STARD13: variants seen among roughly 807,000 people sequenced by gnomAD.
STARD13 encodes the protein stAR-related lipid transfer protein 13.
STARD13 carries 62 observed loss-of-function variants against 106.4 expected under a neutral mutation model. The observed-to-expected ratio is 0.58, with a 90% confidence interval of 0.48 to 0.72. The LOEUF (loss-of-function observed/expected upper bound fraction) is 0.72, where lower values mean the gene tolerates loss of function less well. STARD13 is among the 30% of genes least tolerant of loss of function. The pLI, the probability that STARD13 is intolerant of heterozygous loss-of-function variation, is 0.00. For missense variants in STARD13, 1,387 were observed against 1,424.0 expected, an observed-to-expected ratio of 0.97 and a Z score of 0.42; for synonymous variants, 565 against 553.0, an observed-to-expected ratio of 1.02 and a Z score of -0.31.
chr13:33,421,859 A>T, the STARD13 span, among the ~76,000 whole-genome samples: 1 of 152,224 alleles, frequency 6.6e-6, no homozygotes, highest in African/African-American at 2.4e-5. Context: ...TGATTATCTC[A>T]ATAGATGCAG....
chr13:33,318,661 A>G (rs964563102), intron 1 of STARD13, among the ~76,000 whole-genome samples: 11 of 152,296 alleles, frequency 7.2e-5, no homozygotes, highest in African/African-American at 2.4e-4. Flanking sequence ...ATACTTGCAA[A>G]TCATGTATCT....
chr13:33,188,857 A>G (rs1320306847), intron 1 of STARD13, among the ~76,000 whole-genome samples: 1 of 152,228 alleles, frequency 6.6e-6, no homozygotes, highest in Non-Finnish European at 1.5e-5. Context: ...GAAAATGACA[A>G]ACGAAAAGAC....
chr13:33,622,789 GC>G, the STARD13 span, among the ~76,000 whole-genome samples: 33 of 150,460 alleles, frequency 2.2e-4, no homozygotes, highest in South Asian at 6.5e-3. Context: ...GCGTGGTGGC[GC>G]ATGCCTGTAG....
the STARD13 span, among the ~76,000 whole-genome samples, chr13:33,423,891 CA>C: frequency 6.6e-6 from 1 of 152,020 alleles, no homozygotes; most frequent in African/African-American, 2.4e-5. Context: ...GGGAATTGAA[CA>C]ATGAGAACAC....
rs1012434545 is a variant in STARD13, at chr13:33,167,498, G to T, written c.241+53C>A. 35 of 1,569,018 alleles carry T rather than the reference G, an allele frequency of 2.2e-5. No individual in the cohort carries two copies. The African/African-American group carries it at 4.7e-4, about 21-fold the overall frequency. On this transcript the variant is annotated intron_variant, in intron 2 of 13. Transcript: ENST00000336934. ...TCAAAACACACCACAGGATACGTGT[G>T]GTTCATTTTGGATTTATTCTCTGTG...
intron 1 of STARD13, among the ~76,000 whole-genome samples, chr13:33,215,409 G>A (rs1371172848): frequency 6.6e-6 from 1 of 152,162 alleles, no homozygotes; most frequent in Non-Finnish European, 1.5e-5. Flanking sequence ...TCTCCAAACA[G>A]CATCCCCTCA....
At chr13:33,498,477 G>C in the STARD13 span, among the ~76,000 whole-genome samples, 2 of 152,092 alleles carry the variant, frequency 1.3e-5, no homozygotes, top group Non-Finnish European at 2.9e-5. Flanking sequence ...AAGAGATAAG[G>C]TAATAGGACC....
At chr13:33,344,957 G>A (rs1336796818), downstream of STARD13, among the ~76,000 whole-genome samples, 1 of 152,202 alleles carries the variant, frequency 6.6e-6, no homozygotes, top group African/African-American at 2.4e-5. Context: ...AATTCAAGCT[G>A]CTTACAAACA....
the STARD13 span, among the ~76,000 whole-genome samples, chr13:33,362,477 A>T: frequency 8.5e-5 from 13 of 152,334 alleles, 1 homozygote; most frequent in South Asian, 1.7e-3. Context: ...GACAAGTTCA[A>T]ATCCATCTTT....
chr13:33,518,040 CTT>C, the STARD13 span, among the ~76,000 whole-genome samples: 10 of 151,578 alleles, frequency 6.6e-5, no homozygotes, highest in Admixed American at 6.6e-4. Flanking sequence ...CAACAACAAT[CTT>C]GAAGCTTTTA....
chr13:33,670,772 C>G, the STARD13 span, among the ~76,000 whole-genome samples: 33 of 152,168 alleles, frequency 2.2e-4, no homozygotes, highest in African/African-American at 4.8e-4. Context: ...GCACCCTCTA[C>G]GTAAGTTCAT....
chr13:33,480,705 TTTC>T, the STARD13 span, among the ~76,000 whole-genome samples: 1 of 152,172 alleles, frequency 6.6e-6, no homozygotes, highest in African/African-American at 2.4e-5. Flanking sequence ...CACATGTACA[TTTC>T]TTCTATCTAT....
At chr13:33,449,597 G>A in the STARD13 span, among the ~76,000 whole-genome samples, 1 of 152,034 alleles carries the variant, frequency 6.6e-6, no homozygotes, top group African/African-American at 2.4e-5. Flanking sequence ...ATCTTTTGTG[G>A]TTTCATGAAA....
At chr13:33,144,316 C>T (rs1880236100) in intron 3 of STARD13, among the ~76,000 whole-genome samples, 1 of 152,246 alleles carries the variant, frequency 6.6e-6, no homozygotes, top group African/African-American at 2.4e-5. Context: ...TACTCCTTCA[C>T]AATCTACATT....
intron 3 of STARD13, among the ~76,000 whole-genome samples, chr13:33,164,810 T>C (rs1487675277): frequency 1.3e-5 from 2 of 152,222 alleles, no homozygotes; most frequent in Non-Finnish European, 2.9e-5. Flanking sequence ...ATAGCTTAAA[T>C]AGGCCAGTTT....
the STARD13 span, among the ~76,000 whole-genome samples, chr13:33,403,191 G>T: frequency 1.3e-5 from 2 of 152,334 alleles, no homozygotes; most frequent in Middle Eastern, 3.4e-3. Flanking sequence ...CTCCTGTCAG[G>T]AGTTTGAGCA....
the STARD13 span, among the ~76,000 whole-genome samples, chr13:33,667,544 C>T: frequency 6.6e-6 from 1 of 152,182 alleles, no homozygotes; most frequent in Non-Finnish European, 1.5e-5. Context: ...GTGAATGTGT[C>T]CATTTATCTT....
the STARD13 span, among the ~76,000 whole-genome samples, chr13:33,443,833 G>A: frequency 1.4e-5 from 2 of 146,816 alleles, no homozygotes; most frequent in Admixed American, 1.4e-4. Flanking sequence ...GCAGTGAGCT[G>A]AGCCGAGATT....
the STARD13 span, among the ~76,000 whole-genome samples, chr13:33,494,643 C>A: frequency 6.6e-6 from 1 of 152,078 alleles, no homozygotes; most frequent in African/African-American, 2.4e-5. Context: ...CAGTGGTCAA[C>A]AGGATTGACT....
Sources: allele counts gnomAD v4.1 joint callset (sites outside exome capture counted in the v4.1 genomes callset), GRCh38; gene constraint gnomAD v4.1.1; transcripts MANE v1.5; gene names NCBI Gene and HGNC (gene_info 2026-07-23, HGNC 2026-07-21).